The following CNTN5 variants were observed in gnomAD, a reference collection of about 807,000 sequenced individuals.
The protein encoded by CNTN5 is contactin 5.
CNTN5 carries 77 observed loss-of-function variants against 129.1 expected under a neutral mutation model. The ratio of observed to expected loss-of-function variants is 0.60; its 90% CI spans 0.50 to 0.72. CNTN5 has a LOEUF of 0.72. CNTN5 is among the 30% of genes least tolerant of loss of function. CNTN5 has a pLI of 0.00. For synonymous variants in CNTN5, 509 were observed against 465.6 expected (o/e 1.09, Z -1.20); for missense variants, 1,478 against 1,328.8 (o/e 1.11, Z -1.75).
chr11:99,247,677 G>A (rs1028266664), intron 1 of CNTN5, among the ~76,000 whole-genome samples: 1 of 151,760 alleles, frequency 6.6e-6, no homozygotes, highest in Non-Finnish European at 1.5e-5. Flanking sequence ...TGTTCTCATG[G>A]TTCAATTCCC....
At chr11:100,291,418 C>T (rs1950966393) in intron 18 of CNTN5, among the ~76,000 whole-genome samples, 2 of 145,520 alleles carry the variant, frequency 1.4e-5, no homozygotes, top group East Asian at 2.1e-4. Flanking sequence ...CCATGGAATA[C>T]TATGCAGCCA....
At chr11:99,814,803 C>A (rs908495991) in intron 3 of CNTN5, among the ~76,000 whole-genome samples, 5 of 152,042 alleles carry the variant, frequency 3.3e-5, no homozygotes, top group Admixed American at 2.0e-4. Flanking sequence ...CTCCACCCTG[C>A]TATAGAGAAC....
Position 100,193,518 on chromosome 11 carries a change from G to A in CNTN5, c.1739G>A (p.Arg580Lys), listed in dbSNP as rs192113012. 1.5e-5 allele frequency: 24 copies of A among 1,605,412 alleles called. No homozygotes were observed. Among genetic ancestry groups the A allele is most frequent in the Non-Finnish European group, 1.9e-5 (22 of 1,175,530 alleles). Residue 580 changes from arginine to lysine, a missense_variant, in exon 15 of 25, where the codon AGA becomes AAA. Arg to Lys is a conservative substitution (Grantham distance 26). Transcript: ENST00000524871. ...EPTRIELTPK[R>K]TELTVGESIV... ...ACAAGGATAGAACTTACTCCTAAAA[G>A]AACAGAATTGACAGTGGGAGAAAGC...
chr11:99,437,116 A>C (rs1002034004), intron 2 of CNTN5, among the ~76,000 whole-genome samples: 1 of 152,212 alleles, frequency 6.6e-6, no homozygotes, highest in Admixed American at 6.5e-5. Context: ...CAAATCTCAA[A>C]GTAAAGAATT....
intron 2 of CNTN5, among the ~76,000 whole-genome samples, chr11:99,524,775 C>T (rs2515380): frequency 0.036 from 5,523 of 151,810 alleles, 140 homozygotes; most frequent in Non-Finnish European, 0.056. Flanking sequence ...TGCACTCCAG[C>T]CTGGGCGACA....
At chr11:99,465,301 T>C (rs1464335774) in intron 2 of CNTN5, among the ~76,000 whole-genome samples, 1 of 152,218 alleles carries the variant, frequency 6.6e-6, no homozygotes, top group Non-Finnish European at 1.5e-5. Context: ...TCAACTTTCA[T>C]TGTCTTTTAC....
chr11:100,004,358 C>A (rs1940063853), intron 9 of CNTN5, among the ~76,000 whole-genome samples: 1 of 152,142 alleles, frequency 6.6e-6, no homozygotes, highest in South Asian at 2.1e-4. Context: ...CTCTCTCCCC[C>A]TGTTCTTTCC....
intron 3 of CNTN5, among the ~76,000 whole-genome samples, chr11:99,778,695 T>C (rs1478070061): frequency 1.3e-5 from 2 of 151,760 alleles, no homozygotes; most frequent in East Asian, 3.9e-4. Context: ...CCTAAGATCT[T>C]CTCCAAGGAC....
At chr11:100,091,014 C>T (rs1944761477) in intron 13 of CNTN5, among the ~76,000 whole-genome samples, 1 of 151,984 alleles carries the variant, frequency 6.6e-6, no homozygotes, top group Non-Finnish European at 1.5e-5. Context: ...CAATGGCTTC[C>T]CCATTATTTG....
intron 2 of CNTN5, among the ~76,000 whole-genome samples, chr11:99,339,293 G>T (rs985175377): frequency 3.9e-5 from 6 of 152,106 alleles, no homozygotes; most frequent in Non-Finnish European, 7.4e-5. Flanking sequence ...ATTTTTAAGT[G>T]ATGAATGTCT....
At chr11:100,078,123 C>T (rs556256617) in intron 13 of CNTN5, among the ~76,000 whole-genome samples, 11 of 151,970 alleles carry the variant, frequency 7.2e-5, no homozygotes, top group Admixed American at 7.2e-4. Context: ...GCCAAATAAC[C>T]ATTTGGCTCA....
intron 7 of CNTN5, among the ~76,000 whole-genome samples, chr11:99,946,468 T>A (rs1950555334): frequency 6.6e-6 from 1 of 152,090 alleles, no homozygotes; most frequent in Admixed American, 6.6e-5. Flanking sequence ...GTTTAGATTT[T>A]AAATAGTCAA....
chr11:99,771,408 A>G (rs1944941078), intron 3 of CNTN5, among the ~76,000 whole-genome samples: 1 of 152,096 alleles, frequency 6.6e-6, no homozygotes, highest in South Asian at 2.1e-4. Context: ...ATATATGTAT[A>G]TACCAGACAC....
intron 2 of CNTN5, among the ~76,000 whole-genome samples, chr11:99,437,368 C>T (rs1017234520): frequency 1.1e-4 from 17 of 152,036 alleles, no homozygotes; most frequent in Non-Finnish European, 2.4e-4. Context: ...TGACTTCATA[C>T]ATTATTATTC....
chr11:99,841,074 C>T (rs1947473866), intron 4 of CNTN5, among the ~76,000 whole-genome samples: 1 of 152,096 alleles, frequency 6.6e-6, no homozygotes, highest in African/African-American at 2.4e-5. Context: ...AAGGGAGCCA[C>T]TGTTTAACTT....
At chr11:100,045,944 T>C (rs2137708472) in intron 9 of CNTN5, among the ~76,000 whole-genome samples, 1 of 152,210 alleles carries the variant, frequency 6.6e-6, no homozygotes, top group Admixed American at 6.5e-5. Flanking sequence ...TTTCCTGTTA[T>C]TAACATCTTT....
At chr11:100,331,933 G>T (rs1418029669) in intron 21 of CNTN5, among the ~76,000 whole-genome samples, 2 of 151,612 alleles carry the variant, frequency 1.3e-5, no homozygotes, top group Non-Finnish European at 1.5e-5. Context: ...GAGAACTGAA[G>T]AAACAAAAAC....
chr11:99,098,006 C>G (rs1313387685), intron 1 of CNTN5, among the ~76,000 whole-genome samples: 2 of 151,870 alleles, frequency 1.3e-5, no homozygotes, highest in Admixed American at 6.6e-5. Flanking sequence ...AAATTTTAAG[C>G]CTCAATAAAT....
intron 1 of CNTN5, among the ~76,000 whole-genome samples, chr11:99,046,206 G>A (rs955025668): frequency 5.9e-5 from 9 of 152,058 alleles, no homozygotes; most frequent in African/African-American, 2.2e-4. Context: ...TGGGTGTGGT[G>A]GTGCACACCT....
Sources: allele counts gnomAD v4.1 joint callset (sites outside exome capture counted in the v4.1 genomes callset), GRCh38; gene constraint gnomAD v4.1.1; transcripts MANE v1.5; gene names NCBI Gene and HGNC (gene_info 2026-07-23, HGNC 2026-07-21).